Variants in KRABD5 observed in about 807,000 individuals in gnomAD.
KRABD5 encodes KRAB domain-containing protein 5.
At chr16:31,753,781 A>T in the KRABD5 span, 1 of 1,498,706 alleles carries the variant, frequency 6.7e-7, no homozygotes, top group Non-Finnish European at 8.9e-7. Context: ...TTTTCTCATG[A>T]TACTCAAGGC....
the KRABD5 span, among the ~76,000 whole-genome samples, chr16:31,722,949 G>A: frequency 2.0e-5 from 3 of 152,188 alleles, no homozygotes; most frequent in East Asian, 5.8e-4. Flanking sequence ...TCTTTCTTGA[G>A]GTGATGTAGA....
the KRABD5 span, among the ~76,000 whole-genome samples, chr16:31,718,541 A>C: frequency 6.6e-6 from 1 of 152,194 alleles, no homozygotes; most frequent in Non-Finnish European, 1.5e-5. Flanking sequence ...CTGTAAGTGT[A>C]AAGCAGCACC....
chr16:31,738,842 A>G, the KRABD5 span, among the ~76,000 whole-genome samples: 25 of 152,212 alleles, frequency 1.6e-4, no homozygotes, highest in Admixed American at 7.9e-4. Context: ...TGTATCTATT[A>G]TAGGTACTTG....
chr16:31,759,457 T>C, the KRABD5 span: 9 of 1,511,220 alleles, frequency 6.0e-6, no homozygotes, highest in Non-Finnish European at 8.1e-6. Flanking sequence ...AAGTGTTGCT[T>C]CGAAAAGGGG....
chr16:31,751,449 T>G, the KRABD5 span, among the ~76,000 whole-genome samples: 1 of 152,224 alleles, frequency 6.6e-6, no homozygotes, highest in Non-Finnish European at 1.5e-5. Context: ...TATTACTGAT[T>G]CAGTATCAGA....
chr16:31,722,115 C>G, the KRABD5 span, among the ~76,000 whole-genome samples: 1 of 152,114 alleles, frequency 6.6e-6, no homozygotes, highest in Non-Finnish European at 1.5e-5. Flanking sequence ...GCTCTTGTTG[C>G]TCAGGCTGGA....
the KRABD5 span, chr16:31,733,568 T>G: frequency 2.2e-6 from 1 of 456,270 alleles, no homozygotes; most frequent in Non-Finnish European, 4.4e-6. Flanking sequence ...TCTCTCCAGC[T>G]CCTGAAGAGC....
chr16:31,721,807 C>G, the KRABD5 span, among the ~76,000 whole-genome samples: 1 of 152,240 alleles, frequency 6.6e-6, no homozygotes, highest in South Asian at 2.1e-4. Context: ...AGTGTGGCCT[C>G]TGGACCTGAG....
the KRABD5 span, among the ~76,000 whole-genome samples, chr16:31,730,071 A>G: frequency 6.6e-6 from 1 of 152,166 alleles, no homozygotes; most frequent in African/African-American, 2.4e-5. Flanking sequence ...CACCATTACA[A>G]TATTCGAGTA....
At chr16:31,725,246 G>C in the KRABD5 span, among the ~76,000 whole-genome samples, 1 of 152,138 alleles carries the variant, frequency 6.6e-6, no homozygotes, top group Non-Finnish European at 1.5e-5. Context: ...CTCCCAAGTA[G>C]CTGGGATTAC....
At chr16:31,741,737 C>A in the KRABD5 span, among the ~76,000 whole-genome samples, 2 of 151,970 alleles carry the variant, frequency 1.3e-5, no homozygotes, top group Non-Finnish European at 2.9e-5. Context: ...ATATCTTCTC[C>A]TGTTCTGTAG....
chr16:31,735,058 G>C, the KRABD5 span, among the ~76,000 whole-genome samples: 1 of 151,506 alleles, frequency 6.6e-6, no homozygotes, highest in Non-Finnish European at 1.5e-5. Context: ...CCGCCTGCCT[G>C]CCCTTTCTTT....
the KRABD5 span, among the ~76,000 whole-genome samples, chr16:31,735,980 C>T: frequency 3.9e-5 from 6 of 151,992 alleles, no homozygotes; most frequent in South Asian, 2.1e-4. Flanking sequence ...TTTCCAAGTC[C>T]GATGTTGTAA....
chr16:31,754,557 A>C, the KRABD5 span: 1 of 528,158 alleles, frequency 1.9e-6, no homozygotes, highest in Non-Finnish European at 3.6e-6. Flanking sequence ...AAACGTAAAA[A>C]ATGTGAGAAA....
the KRABD5 span, among the ~76,000 whole-genome samples, chr16:31,730,185 G>A: frequency 6.6e-5 from 10 of 151,188 alleles, no homozygotes; most frequent in South Asian, 8.4e-4. Flanking sequence ...CCCTTTAGTC[G>A]TTTAGCATTT....
At chr16:31,716,976 G>GTCT in the KRABD5 span, among the ~76,000 whole-genome samples, 1 of 133,342 alleles carries the variant, frequency 7.5e-6, no homozygotes, top group Non-Finnish European at 1.6e-5. Flanking sequence ...CAGATCTTTT[G>GTCT]TCTTTTGTCA....
chr16:31,761,306 A>C, the KRABD5 span: 1 of 152,164 alleles, frequency 6.6e-6, no homozygotes, highest in African/African-American at 2.4e-5. Context: ...TGAAACAATT[A>C]GGCATGTTTT....
the KRABD5 span, among the ~76,000 whole-genome samples, chr16:31,743,960 G>A: frequency 1.3e-5 from 2 of 152,076 alleles, no homozygotes; most frequent in East Asian, 3.9e-4. Flanking sequence ...TGTGATTTTT[G>A]CACATTGATT....
the KRABD5 span, among the ~76,000 whole-genome samples, chr16:31,744,005 G>T: frequency 6.6e-6 from 1 of 152,154 alleles, no homozygotes; most frequent in Non-Finnish European, 1.5e-5. Context: ...TTGCTTATCA[G>T]TTTAAGGAGT....
Sources: allele counts gnomAD v4.1 joint callset (sites outside exome capture counted in the v4.1 genomes callset), GRCh38; gene constraint gnomAD v4.1.1; transcripts MANE v1.5; gene names NCBI Gene and HGNC (gene_info 2026-07-23, HGNC 2026-07-21).